PRKD1: variants seen among roughly 807,000 people sequenced by gnomAD.
PRKD1 encodes serine/threonine-protein kinase D1.
In PRKD1, 63 loss-of-function variants were observed where a neutral mutation model predicts 95.9. The observed-to-expected ratio is 0.66, with a 90% confidence interval of 0.54 to 0.81. PRKD1 has a LOEUF of 0.81. PRKD1 is among the 30% of genes least tolerant of loss of function. The pLI is 0.00. For synonymous variants in PRKD1, 425 were observed against 423.1 expected, an observed-to-expected ratio of 1.00 and a Z score of -0.05; for missense variants, 1,048 against 1,165.3, an observed-to-expected ratio of 0.90 and a Z score of 1.47.
intron 2 of PRKD1, among the ~76,000 whole-genome samples, chr14:29,705,807 T>C (rs1885057995): frequency 6.6e-6 from 1 of 152,166 alleles, no homozygotes; most frequent in Non-Finnish European, 1.5e-5. Context: ...CTTTACTTCA[T>C]TTTTATAGCT....
intron 11 of PRKD1, among the ~76,000 whole-genome samples, chr14:29,627,463 A>C (rs1879699643): frequency 6.6e-6 from 1 of 152,224 alleles, no homozygotes; most frequent in African/African-American, 2.4e-5. Context: ...ACAAGTTCCA[A>C]AAGTCTAATT....
intron 1 of PRKD1, among the ~76,000 whole-genome samples, chr14:29,905,222 C>A (rs1422962041): frequency 6.6e-6 from 1 of 152,080 alleles, no homozygotes; most frequent in Non-Finnish European, 1.5e-5. Context: ...AAGTCAGACA[C>A]AAAACTCTTG....
chr14:29,705,369 G>A (rs568820880), intron 2 of PRKD1, among the ~76,000 whole-genome samples: 4 of 151,560 alleles, frequency 2.6e-5, no homozygotes, highest in Non-Finnish European at 5.9e-5. Flanking sequence ...TGAAAGTAAA[G>A]GCAAAAACTG....
chr14:29,766,324 T>C (rs1457884646), intron 1 of PRKD1, among the ~76,000 whole-genome samples: 1 of 152,190 alleles, frequency 6.6e-6, no homozygotes, highest in Non-Finnish European at 1.5e-5. Context: ...TTCTCCTTGA[T>C]AGCTTTCTCA....
chr14:29,581,744 A>T (rs1377299084), intron 16 of PRKD1, among the ~76,000 whole-genome samples: 3 of 152,220 alleles, frequency 2.0e-5, no homozygotes, highest in Non-Finnish European at 2.9e-5. Flanking sequence ...ATGTGTATGT[A>T]CATCTCTGTG....
At chr14:29,643,942 G>C (rs1880961795) in intron 4 of PRKD1, among the ~76,000 whole-genome samples, 1 of 152,184 alleles carries the variant, frequency 6.6e-6, no homozygotes, top group African/African-American at 2.4e-5. Flanking sequence ...TTGAGTTAAA[G>C]AGAAAGAGAA....
At chr14:29,771,205 A>G (rs1888493428) in intron 1 of PRKD1, among the ~76,000 whole-genome samples, 1 of 152,090 alleles carries the variant, frequency 6.6e-6, no homozygotes, top group Admixed American at 6.5e-5. Context: ...TGATAAAGAG[A>G]CTGTTATGGT....
chr14:29,761,352 TGG>T (rs1166585375), intron 1 of PRKD1, among the ~76,000 whole-genome samples: 1 of 152,188 alleles, frequency 6.6e-6, no homozygotes, highest in Non-Finnish European at 1.5e-5. Flanking sequence ...ATAAGTAACT[TGG>T]GACTGTCTGA....
intron 1 of PRKD1, among the ~76,000 whole-genome samples, chr14:29,858,594 T>C (rs1011364586): frequency 6.6e-6 from 1 of 152,158 alleles, no homozygotes; most frequent in African/African-American, 2.4e-5. Context: ...TTACTTGTCA[T>C]GATACTGGTT....
chr14:29,834,736 G>A (rs937473265), intron 1 of PRKD1, among the ~76,000 whole-genome samples: 6 of 151,978 alleles, frequency 3.9e-5, no homozygotes, highest in East Asian at 3.9e-4. Context: ...TAGGCACTAC[G>A]GTAAGTATTT....
intron 1 of PRKD1, among the ~76,000 whole-genome samples, chr14:29,890,039 G>A (rs1050362730): frequency 6.6e-6 from 1 of 152,174 alleles, no homozygotes; most frequent in Admixed American, 6.5e-5. Flanking sequence ...TCTCAAATAA[G>A]TTGTGTCATT....
rs1013282638 is a variant in PRKD1 at position 29,667,515 on chromosome 14, G to A, written c.404-1307C>T. ...ATATAATTGTCAATGCTTAATCCAA[G>A]TAGATCAGAAAAAAAGTGTGGTTTG... On this transcript the variant is annotated intron_variant, in intron 2 of 17. Transcript: ENST00000331968. Among the ~76,000 whole-genome samples the A allele has an allele frequency of 4.6e-5, 7 of 152,034 alleles. 1 individual carries two copies. The highest frequency in any genetic ancestry group is 5.9e-5 in the Non-Finnish European group (4 of 68,000).
intron 1 of PRKD1, among the ~76,000 whole-genome samples, chr14:29,908,236 G>C (rs1037123441): frequency 4.0e-5 from 6 of 151,458 alleles, no homozygotes; most frequent in Non-Finnish European, 7.4e-5. Flanking sequence ...TTTAATCTTA[G>C]GAATTAATTT....
chr14:29,639,261 T>G (rs1880595983), intron 4 of PRKD1, among the ~76,000 whole-genome samples: 1 of 152,220 alleles, frequency 6.6e-6, no homozygotes, highest in South Asian at 2.1e-4. Context: ...TTTACAGGAT[T>G]ACATTCACAT....
At chr14:29,820,924 G>A (rs1890885847) in intron 1 of PRKD1, among the ~76,000 whole-genome samples, 1 of 152,188 alleles carries the variant, frequency 6.6e-6, no homozygotes, top group South Asian at 2.1e-4. Context: ...CCCACTGATT[G>A]TGTAGGATGA....
At chr14:29,733,141 C>T (rs1161729694) in intron 1 of PRKD1, among the ~76,000 whole-genome samples, 19 of 150,042 alleles carry the variant, frequency 1.3e-4, no homozygotes, top group African/African-American at 3.4e-4. Flanking sequence ...CTCGCTCTGC[C>T]GCCCAGGCTG....
rs114055264 is a variant in PRKD1, at chr14:29,677,721, T to C, written c.404-11513A>G. On this transcript the variant is annotated intron_variant, in intron 2 of 17. Transcript: ENST00000331968. Reference sequence around the variant, plus strand: ...TCCCGAATAGCTGGGATTACAGACATGTGCCAGCATGCCAAGCTAATTTAG... The same window carrying C: ...TCCCGAATAGCTGGGATTACAGACACGTGCCAGCATGCCAAGCTAATTTAG... Among the ~76,000 whole-genome samples the C allele has an allele frequency of 7.1e-3, 1,086 of 152,258 alleles. 15 individuals carry two copies. The highest frequency in any genetic ancestry group is 0.025 in the African/African-American group (1,020 of 41,560).
chr14:29,733,608 C>A (rs1476389031), intron 1 of PRKD1, among the ~76,000 whole-genome samples: 1 of 152,128 alleles, frequency 6.6e-6, no homozygotes, highest in African/African-American at 2.4e-5. Flanking sequence ...ACCATCTTCA[C>A]AAGGCTGCAG....
At chr14:29,684,762 G>C (rs1429814056) in intron 2 of PRKD1, among the ~76,000 whole-genome samples, 1 of 152,182 alleles carries the variant, frequency 6.6e-6, no homozygotes, top group Non-Finnish European at 1.5e-5. Context: ...GTAGGGCTAA[G>C]GCAGGCTGTT....
Sources: allele counts gnomAD v4.1 joint callset (sites outside exome capture counted in the v4.1 genomes callset), GRCh38; gene constraint gnomAD v4.1.1; transcripts MANE v1.5; gene names NCBI Gene and HGNC (gene_info 2026-07-23, HGNC 2026-07-21).